The following PADI4 variants were observed in gnomAD, a reference collection of about 807,000 sequenced individuals.
PADI4 encodes protein-arginine deiminase type-4.
In PADI4, 62 loss-of-function variants were observed where a neutral mutation model predicts 75.0. That is an observed-to-expected ratio of 0.83 (90% CI 0.67 to 1.02). The LOEUF is 1.02. PADI4 is among the 50% of genes least tolerant of loss of function. PADI4 has a pLI of 0.00. For synonymous variants in PADI4, 361 were observed against 348.1 expected (o/e 1.04, Z -0.41); for missense variants, 845 against 850.5 (o/e 0.99, Z 0.08).
At chr1:17,340,401 C>T (rs549415950) in intron 6 of PADI4, among the ~76,000 whole-genome samples, 9 of 151,986 alleles carry the variant, frequency 5.9e-5, no homozygotes, top group East Asian at 1.9e-4. Flanking sequence ...GAGTGGAGTT[C>T]GGGTTGTGTG....
intron 10 of PADI4, among the ~76,000 whole-genome samples, chr1:17,351,990 GCA>G (rs2074646163): frequency 4.8e-4 from 14 of 28,966 alleles, no homozygotes; most frequent in Admixed American, 3.4e-3. Flanking sequence ...GGGAGGAGAG[GCA>G]GTCAGGGAGG....
Position 17,338,027 on chromosome 1 carries a change from C to G in PADI4, c.409-11C>G, listed in dbSNP as rs544012490. ...AGTTTCTGAGCATGACTCTTCCCTGCTGGTGTCCAGAGGACCTGGACCTGG... is the reference window on the plus strand; with the variant it reads ...AGTTTCTGAGCATGACTCTTCCCTGGTGGTGTCCAGAGGACCTGGACCTGG... On this transcript the variant is annotated splice_polypyrimidine_tract_variant and intron_variant, in intron 4 of 15. Transcript: ENST00000375448. 6.4e-7 allele frequency: 1 copy of G among 1,559,350 alleles called. No homozygotes were observed. Among genetic ancestry groups the G allele is most frequent in the Admixed American group, 1.7e-5 (1 of 59,922 alleles).
At chr1:17,321,466 C>T (rs1337212733) in intron 1 of PADI4, among the ~76,000 whole-genome samples, 3 of 152,346 alleles carry the variant, frequency 2.0e-5, no homozygotes, top group South Asian at 2.1e-4. Flanking sequence ...GAACAGTACC[C>T]GCCTTACAGG....
chr1:17,352,038 G>GGTGGGAA (rs371464403), intron 10 of PADI4, among the ~76,000 whole-genome samples: 1,423 of 53,944 alleles, frequency 0.026, 110 homozygotes, highest in South Asian at 0.034. Context: ...GGTGATGGGA[G>GGTGGGAA]GAGAGGCAGT....
At chr1:17,357,800 G>T (rs548449806) in intron 13 of PADI4, among the ~76,000 whole-genome samples, 1 of 151,592 alleles carries the variant, frequency 6.6e-6, no homozygotes, top group South Asian at 2.1e-4. Context: ...GCGTGGTGGC[G>T]GGTGCCTGTA....
chr1:17,346,082 C>T lies in PADI4; in HGVS notation c.990C>T (p.Ala330=), dbSNP rs1367977425. ...CAGTGACTACTCTGGCCATGAAAGC[C>T]AAGTGCAAGCTGACCATCTGCCCTG... is the stretch of plus-strand genomic sequence containing the variant. ...LKSVTTLAMK[A]KCKLTICPEE... is the part of the protein sequence containing the mutation. Residue 330 remains alanine (A), a synonymous_variant, in exon 9 of 16, where the codon GCC becomes GCT. Transcript: ENST00000375448. This position sits in a 1 kb window ranked among gnomAD's most constrained non-coding sequence, Gnocchi z 4.3. 1 of 1,614,026 alleles carries T rather than the reference C, an allele frequency of 6.2e-7. No homozygotes were observed. Among genetic ancestry groups the T allele is most frequent in the Admixed American group, 1.7e-5 (1 of 60,028 alleles).
At position 17,356,355 on chromosome 1, in the gene PADI4, A is replaced by G; in HGVS notation, c.1456-2A>G. The G allele has an allele frequency of 6.3e-7, 1 of 1,596,642 alleles. No individual in the cohort carries two copies. Among genetic ancestry groups the G allele is most frequent in the Non-Finnish European group, 8.5e-7 (1 of 1,170,042 alleles). On this transcript the variant is annotated splice_acceptor_variant, in intron 12 of 15. Coordinates refer to ENST00000375448, the MANE Select transcript of PADI4 (RefSeq NM_012387.3). LOFTEE classifies it high-confidence loss of function. This position sits in a 1 kb window ranked among gnomAD's most constrained non-coding sequence, Gnocchi z 4.1. ...TTCTAACCCCAGTGTTTCTGCCTCC[A>G]GGGCTTCCGGCTGCTCCTGGCCAGC...
At chr1:17,337,428 G>A (rs2074333295) in intron 4 of PADI4, among the ~76,000 whole-genome samples, 1 of 152,074 alleles carries the variant, frequency 6.6e-6, no homozygotes, top group Admixed American at 6.5e-5. Flanking sequence ...TTACAGGTGT[G>A]AGCCACTGCG....
chr1:17,338,230 C>G (rs181865872), intron 5 of PADI4, 75 bp downstream of exon 5: 1 of 887,808 alleles, frequency 1.1e-6, no homozygotes, highest in Non-Finnish European at 1.9e-6. Context: ...AACCTGGTGA[C>G]GGCCCTCTGA....
At chr1:17,355,538 CA>C (rs11364408) in intron 11 of PADI4, among the ~76,000 whole-genome samples, 101,471 of 134,684 alleles carry the variant, frequency 0.75, 37,663 homozygotes, top group African/African-American at 0.86. Context: ...GACTCTGTCT[CA>C]AAAAAAAAAA....
At chr1:17,338,259 C>A in intron 5 of PADI4, 104 bp downstream of exon 5, 3 of 750,022 alleles carry the variant, frequency 4.0e-6, no homozygotes, top group Admixed American at 3.8e-5. Flanking sequence ...TTATTGAAAG[C>A]ATCTTCTTGT....
intron 4 of PADI4, 81 bp from the exon 5 acceptor site, chr1:17,337,957 T>A: frequency 3.2e-6 from 2 of 629,954 alleles, no homozygotes; most frequent in East Asian, 5.7e-5. Context: ...AAAGAGGTGA[T>A]GGGGAGTTGC....
In PADI4 at chr1:17,329,580, T is replaced by C. The variant is rs1011806247; in HGVS notation, c.93-1389T>C. On this transcript the variant is annotated intron_variant, in intron 1 of 15. Coordinates refer to ENST00000375448, the MANE Select transcript of PADI4 (RefSeq NM_012387.3). ...ATAAGGGTCTTCAGCCTCGTCTTCA[T>C]GTTGAGTAGGCTGAGGAGGAAGGGG... Among the ~76,000 whole-genome samples, 6 of 152,184 alleles carry C rather than the reference T, an allele frequency of 3.9e-5. 1 individual carries two copies. The East Asian group carries it at 7.7e-4, about 20-fold the overall frequency.
At chr1:17,357,839 G>A (rs374210277) in intron 13 of PADI4, among the ~76,000 whole-genome samples, 1 of 151,604 alleles carries the variant, frequency 6.6e-6, no homozygotes, top group African/African-American at 2.4e-5. Flanking sequence ...GCTGAGGCAG[G>A]AGAATCACTC....
chr1:17,340,603 G>A (rs2074400099), intron 6 of PADI4, among the ~76,000 whole-genome samples: 3 of 151,948 alleles, frequency 2.0e-5, no homozygotes, highest in Admixed American at 2.0e-4. Flanking sequence ...GGGGCGGAAT[G>A]TGCAAGGGTT....
chr1:17,344,433 G>A (rs899736893), intron 8 of PADI4, among the ~76,000 whole-genome samples: 4 of 152,236 alleles, frequency 2.6e-5, no homozygotes, highest in Non-Finnish European at 4.4e-5. Context: ...ATTTGCATAA[G>A]TAACAAGGAG....
chr1:17,356,102 G>A lies in PADI4; in HGVS notation c.1430G>A (p.Ser477Asn), dbSNP rs758712498. 6.2e-7 allele frequency: 1 copy of A among 1,614,196 alleles called. No individual in the cohort carries two copies. The highest frequency in any genetic ancestry group is 2.2e-5 in the East Asian group (1 of 44,866). ...LSVGHVDEFL[S>N]FVPAPDRKGF... is the part of the protein sequence containing the mutation. ...GTGGGCCACGTGGACGAGTTCCTGA[G>A]CTTTGTGCCAGCACCCGACAGGAAG... Residue 477 changes from serine to asparagine, a missense_variant, in exon 12 of 16, where the codon AGC (serine) becomes AAC (asparagine). Ser to Asn is a conservative substitution (Grantham distance 46). Transcript: ENST00000375448. This position sits in a 1 kb window ranked among gnomAD's most constrained non-coding sequence, Gnocchi z 4.1.
chr1:17,324,538 GC>G (rs1478784278), intron 1 of PADI4, among the ~76,000 whole-genome samples: 2 of 152,114 alleles, frequency 1.3e-5, no homozygotes, highest in African/African-American at 2.4e-5. Context: ...TCACTATGTT[GC>G]CCTGGCTGGC....
intron 1 of PADI4, among the ~76,000 whole-genome samples, chr1:17,321,856 C>A (rs879691757): frequency 6.6e-6 from 1 of 151,978 alleles, no homozygotes; most frequent in Non-Finnish European, 1.5e-5. Flanking sequence ...GATTTTGAGG[C>A]CTTGGATATT....
Sources: gnomAD v4.1 joint callset for allele counts (sites outside exome capture counted in the v4.1 genomes callset) on GRCh38, gnomAD v4.1.1 for gene constraint, Gnocchi (gnomAD v3.1) non-coding constraint, MANE v1.5 for transcripts, NCBI Gene and HGNC (gene_info 2026-07-23, HGNC 2026-07-21) for gene names.